The following SLC43A1 variants were observed in gnomAD, a reference collection of about 807,000 sequenced individuals.
SLC43A1 encodes the protein solute carrier family 43 member 1, also known as large neutral amino acids transporter small subunit 3.
SLC43A1 carries 31 observed loss-of-function variants against 59.5 expected under a neutral mutation model. The ratio of observed to expected loss-of-function variants is 0.52; its 90% CI spans 0.39 to 0.70. The LOEUF is 0.70. Ranked by LOEUF, SLC43A1 falls within the 30% of genes least tolerant of loss-of-function variation. SLC43A1 has a pLI of 0.00. For missense variants in SLC43A1, 598 were observed against 717.8 expected (o/e 0.83, Z 1.91); for synonymous variants, 259 against 290.9 (o/e 0.89, Z 1.12).
Position 57,489,376 on chromosome 11 carries a change from TG to T in SLC43A1, c.1209del (p.Lys404AsnfsTer22). ...TTGCAGTAGCGTGGTCTGATGGATT[TG>T]GTAGCAACCCCGTCCCTGAGGAGTA... The part of the protein sequence containing the change: ...VLGDARDGVA[T>X]KSIRPRYCKI... On this transcript the variant is annotated frameshift_variant, in exon 12 of 15. Transcript: ENST00000278426. LOFTEE classifies it high-confidence loss of function. 6.2e-7 allele frequency: 1 copy of T among 1,614,190 alleles called. No homozygotes were observed. The highest frequency in any genetic ancestry group is 2.2e-5 in the East Asian group (1 of 44,874).
intron 5 of SLC43A1, among the ~76,000 whole-genome samples, chr11:57,499,043 C>T (rs1944172996): frequency 6.6e-6 from 1 of 152,196 alleles, no homozygotes; most frequent in African/African-American, 2.4e-5. Flanking sequence ...GGCGTTTAGG[C>T]CGGGCGCAGT....
chr11:57,487,074 C>A (rs199869262), intron 14 of SLC43A1, 21 bp downstream of exon 14: 381 of 1,612,570 alleles, frequency 2.4e-4, no homozygotes, highest in Non-Finnish European at 3.0e-4. Context: ...CTGCTCCCCC[C>A]ACACCAACCC....
At chr11:57,497,894 C>T (rs1316101514) in intron 5 of SLC43A1, 49 bp from the exon 6 acceptor site, 16 of 1,383,580 alleles carry the variant, frequency 1.2e-5, no homozygotes, top group East Asian at 2.3e-5. Context: ...GTGACCCTTG[C>T]CCAGCATTCC....
intron 13 of SLC43A1, among the ~76,000 whole-genome samples, chr11:57,488,398 G>A (rs752888641): frequency 5.3e-5 from 8 of 152,182 alleles, no homozygotes; most frequent in Non-Finnish European, 1.2e-4. Flanking sequence ...CAGTGAGGCT[G>A]AACTCAGGGA....
intron 2 of SLC43A1, among the ~76,000 whole-genome samples, chr11:57,510,101 T>C (rs548794960): frequency 6.6e-6 from 1 of 152,082 alleles, no homozygotes; most frequent in African/African-American, 2.4e-5. Flanking sequence ...CATTGATCAG[T>C]AGGGAAACAC....
intron 2 of SLC43A1, among the ~76,000 whole-genome samples, chr11:57,510,457 CAAA>C (rs61412196): frequency 7.8e-5 from 2 of 25,762 alleles, no homozygotes; most frequent in African/African-American, 3.1e-4. Flanking sequence ...GACTCCATCT[CAAA>C]AAAAAAAAAA....
rs745786387 is a variant in SLC43A1 at position 57,485,056 on chromosome 11, C to G, written c.*40G>C. 1.3e-6 allele frequency: 2 copies of G among 1,584,832 alleles called. No individual in the cohort carries two copies. Among genetic ancestry groups the G allele is most frequent in the Admixed American group, 1.8e-5 (1 of 54,752 alleles). On this transcript the variant is annotated 3_prime_UTR_variant, in exon 15 of 15. Coordinates refer to ENST00000278426, the MANE Select transcript of SLC43A1 (RefSeq NM_003627.6). ...GGGGCACTCCTTTTGGTTGCTCAGGCCTTGATTGCCTGTCATCCAGGTCCC... is the reference window on the plus strand; with the variant it reads ...GGGGCACTCCTTTTGGTTGCTCAGGGCTTGATTGCCTGTCATCCAGGTCCC...
intron 11 of SLC43A1, among the ~76,000 whole-genome samples, chr11:57,490,447 C>T (rs533569619): frequency 4.6e-5 from 7 of 152,214 alleles, no homozygotes; most frequent in Admixed American, 3.3e-4. Flanking sequence ...TATAATAGAA[C>T]GTAACAGAAG....
At chr11:57,511,305 G>T (rs1247128719) in intron 2 of SLC43A1, among the ~76,000 whole-genome samples, 1 of 151,860 alleles carries the variant, frequency 6.6e-6, no homozygotes, top group African/African-American at 2.4e-5. Flanking sequence ...ATGCGGGCCT[G>T]TAGTCCCAAC....
chr11:57,506,285 G>A (rs961434584), intron 2 of SLC43A1, among the ~76,000 whole-genome samples: 2 of 152,184 alleles, frequency 1.3e-5, no homozygotes, highest in South Asian at 2.1e-4. Flanking sequence ...GGTGGAGGAC[G>A]CAATGAGCTG....
At chr11:57,499,424 CAG>C (rs1359745630) in intron 5 of SLC43A1, 1 of 152,232 alleles carries the variant, frequency 6.6e-6, no homozygotes, top group African/African-American at 2.4e-5. Flanking sequence ...CCCACTCAGG[CAG>C]AGGTTTTCCT....
At chr11:57,501,452 A>G (rs1353289565) in intron 2 of SLC43A1, 123 bp from the exon 3 acceptor site, 7 of 935,194 alleles carry the variant, frequency 7.5e-6, no homozygotes, top group Non-Finnish European at 1.2e-5. Flanking sequence ...GGGGTACCCT[A>G]GAGTCACATC....
chr11:57,510,999 T>A (rs575126737), intron 2 of SLC43A1, among the ~76,000 whole-genome samples: 422 of 151,354 alleles, frequency 2.8e-3, no homozygotes, highest in African/African-American at 4.2e-3. Context: ...AAAAAAAAAA[T>A]TTTTTTAAGA....
chr11:57,513,978 A>G lies in SLC43A1; in HGVS notation c.134T>C (p.Phe45Ser). ...CATACCTGGGCACGTGCTGGAATAG[A>G]AGCCCTCGTTCTTCAGAATGATCAA... ...SLLIILKNEG[F>S]YSSTCPAESS... The change falls in exon 2 of 15, where the codon TTC becomes TCC. Residue 45 changes from phenylalanine (F) to serine (S), a missense_variant. Physicochemically the swap from Phe to Ser is radical, Grantham distance 155. Transcript: ENST00000278426. 1.3e-6 allele frequency: 2 copies of G among 1,578,554 alleles called. No homozygotes were observed. The highest frequency in any genetic ancestry group is 1.7e-6 in the Non-Finnish European group (2 of 1,159,754).
At position 57,489,235 on chromosome 11, in the gene SLC43A1, G is replaced by A. The variant is rs1484110891; in HGVS notation, c.1335+16C>T. On this transcript the variant is annotated intron_variant, in intron 12 of 14. Transcript: ENST00000278426. ...GCCTCGGGAGGCAGGGAGAGGGGAAGGATGAAGGTGGGTACCTGGAGGTGT... is the reference window on the plus strand; with the variant it reads ...GCCTCGGGAGGCAGGGAGAGGGGAAAGATGAAGGTGGGTACCTGGAGGTGT... 1.2e-6 allele frequency: 2 copies of A among 1,614,088 alleles called. No individual in the cohort carries two copies. The highest frequency in any genetic ancestry group is 1.7e-6 in the Non-Finnish European group (2 of 1,179,956).
At chr11:57,512,990 C>T (rs1043725923) in intron 2 of SLC43A1, among the ~76,000 whole-genome samples, 37 of 152,142 alleles carry the variant, frequency 2.4e-4, no homozygotes, top group African/African-American at 8.5e-4. Flanking sequence ...GGAGTTGAAA[C>T]GAGAAGCCAG....
intron 2 of SLC43A1, among the ~76,000 whole-genome samples, chr11:57,510,866 C>T (rs967919291): frequency 6.6e-6 from 1 of 151,896 alleles, no homozygotes; most frequent in African/African-American, 2.4e-5. Context: ...GTGGCGGGCG[C>T]CTGTACCTGG....
At chr11:57,487,890 G>A (rs1383839714) in intron 13 of SLC43A1, among the ~76,000 whole-genome samples, 2 of 152,174 alleles carry the variant, frequency 1.3e-5, no homozygotes, top group Non-Finnish European at 2.9e-5. Flanking sequence ...AAGATGCCAA[G>A]CAGGGAACAC....
At chr11:57,505,232 C>A (rs1309358306) in intron 2 of SLC43A1, among the ~76,000 whole-genome samples, 1 of 152,156 alleles carries the variant, frequency 6.6e-6, no homozygotes, top group Non-Finnish European at 1.5e-5. Context: ...CATACATTGG[C>A]CAGCCGCAGT....
Sources: allele counts gnomAD v4.1 joint callset (sites outside exome capture counted in the v4.1 genomes callset), GRCh38; gene constraint gnomAD v4.1.1; transcripts MANE v1.5; gene names NCBI Gene and HGNC (gene_info 2026-07-23, HGNC 2026-07-21).